Variants in NBEA observed in about 807,000 individuals in gnomAD.
The protein encoded by NBEA is lysosomal-trafficking regulator 2.
In NBEA, 44 loss-of-function variants were observed where a neutral mutation model predicts 343.4. The ratio of observed to expected loss-of-function variants is 0.13; its 90% CI spans 0.10 to 0.16. The LOEUF is 0.16. Among genes scored for constraint, NBEA ranks in the 10% least tolerant of loss-of-function variants. NBEA has a pLI of 1.00. For synonymous variants in NBEA, 1,175 were observed against 1,238.7 expected (o/e 0.95, Z 1.08); for missense variants, 2,555 against 3,631.3 (o/e 0.70, Z 7.62).
chr13:35,290,965 G>A (rs916158409), intron 35 of NBEA, among the ~76,000 whole-genome samples: 2 of 151,542 alleles, frequency 1.3e-5, no homozygotes, highest in Non-Finnish European at 1.5e-5. Flanking sequence ...TACTTGAGCT[G>A]TTTGTCTTTA....
At chr13:35,203,544 A>G (rs1377368828) in intron 31 of NBEA, among the ~76,000 whole-genome samples, 1 of 152,146 alleles carries the variant, frequency 6.6e-6, no homozygotes, top group African/African-American at 2.4e-5. Context: ...TTGAAATGTC[A>G]GTTCCATGAG....
chr13:35,547,760 G>A (rs929982640), intron 41 of NBEA, among the ~76,000 whole-genome samples: 9 of 152,006 alleles, frequency 5.9e-5, no homozygotes, highest in East Asian at 1.9e-4. Flanking sequence ...GTAATGGCAC[G>A]CATCTGTAAT....
At chr13:35,655,236 C>G (rs1263898446) in intron 54 of NBEA, among the ~76,000 whole-genome samples, 1 of 152,148 alleles carries the variant, frequency 6.6e-6, no homozygotes, top group Non-Finnish European at 1.5e-5. Flanking sequence ...GGCTATTGTT[C>G]CTTTCCCACA....
At chr13:34,956,100 A>T (rs1249647026) in intron 1 of NBEA, among the ~76,000 whole-genome samples, 1 of 152,202 alleles carries the variant, frequency 6.6e-6, no homozygotes, top group Non-Finnish European at 1.5e-5. Context: ...GCATTTAATA[A>T]ATATCAAATG....
At chr13:35,140,985 G>C (rs2068058220) in intron 17 of NBEA, among the ~76,000 whole-genome samples, 1 of 152,152 alleles carries the variant, frequency 6.6e-6, no homozygotes, top group South Asian at 2.1e-4. Context: ...AAAGAGCATG[G>C]AAAATGTGCA....
chr13:35,389,796 A>T (rs1192017000), intron 38 of NBEA, among the ~76,000 whole-genome samples: 1 of 152,170 alleles, frequency 6.6e-6, no homozygotes, highest in Non-Finnish European at 1.5e-5. Context: ...TGCAAAAGAA[A>T]GGAGCACAGA....
At chr13:35,283,044 T>C (rs2035161416) in intron 34 of NBEA, among the ~76,000 whole-genome samples, 1 of 152,076 alleles carries the variant, frequency 6.6e-6, no homozygotes, top group Non-Finnish European at 1.5e-5. Context: ...GCCATTAGAG[T>C]ATTCTCTTCA....
intron 44 of NBEA, among the ~76,000 whole-genome samples, chr13:35,561,495 T>G (rs963734275): frequency 1.3e-5 from 2 of 152,160 alleles, no homozygotes; most frequent in African/African-American, 4.8e-5. Context: ...AAGACTTAGA[T>G]TAAAACAGTA....
At chr13:35,222,844 G>C (rs900220865) in intron 33 of NBEA, among the ~76,000 whole-genome samples, 24 of 152,114 alleles carry the variant, frequency 1.6e-4, no homozygotes, top group Non-Finnish European at 2.6e-4. Context: ...CGAAGAAACA[G>C]TAGGCCGGGC....
At chr13:35,074,264 A>G (rs994363398) in intron 10 of NBEA, among the ~76,000 whole-genome samples, 1 of 152,132 alleles carries the variant, frequency 6.6e-6, no homozygotes, top group Non-Finnish European at 1.5e-5. Context: ...GATTATGTAG[A>G]CTGAGTACAT....
intron 41 of NBEA, among the ~76,000 whole-genome samples, chr13:35,550,087 T>G (rs1348962559): frequency 6.6e-6 from 1 of 152,124 alleles, no homozygotes; most frequent in East Asian, 1.9e-4. Flanking sequence ...TTGCCTGGGG[T>G]TGACCATATG....
intron 1 of NBEA, among the ~76,000 whole-genome samples, chr13:34,999,054 C>T (rs150752682): frequency 0.046 from 6,978 of 152,170 alleles, 239 homozygotes; most frequent in Non-Finnish European, 0.067. Context: ...CTGGTCCCTC[C>T]GTTTGGGGTC....
chr13:35,432,161 C>T, intron 38 of NBEA, 108 bp from the exon 39 acceptor site: 1 of 855,030 alleles, frequency 1.2e-6, no homozygotes, highest in Non-Finnish European at 1.7e-6. Flanking sequence ...CCAAAATTAT[C>T]TTAATTTTTC....
intron 41 of NBEA, among the ~76,000 whole-genome samples, chr13:35,495,075 C>T (rs2076630856): frequency 6.6e-6 from 1 of 151,624 alleles, no homozygotes; most frequent in Non-Finnish European, 1.5e-5. Context: ...AAAATAAGAT[C>T]CAACTCTGTG....
rs561955643 is a variant in NBEA, at chr13:35,090,555, G to A, written c.1572-7742G>A. Among the ~76,000 whole-genome samples the A allele has an allele frequency of 2.0e-5, 3 of 152,038 alleles. No individual in the cohort carries two copies. In the East Asian group the frequency reaches 5.8e-4, roughly 29 times the overall value. On this transcript the variant is annotated intron_variant, in intron 10 of 58. Coordinates refer to ENST00000379939, the MANE Select transcript of NBEA (RefSeq NM_001385012.1). Reference sequence around the variant, plus strand: ...GGATTTGACAACTATTAGGGATGTGGTGGCATAGCAGTATTAAACCTGACT... The same window carrying A: ...GGATTTGACAACTATTAGGGATGTGATGGCATAGCAGTATTAAACCTGACT...
rs139919941 is a variant in NBEA, at chr13:35,409,628, C to G, written c.6180-22641C>G. 6.6e-5 allele frequency among the ~76,000 whole-genome samples: 10 copies of G among 152,170 alleles called. No individual in the cohort carries two copies. The East Asian group carries it at 1.7e-3, about 26-fold the overall frequency. On this transcript the variant is annotated intron_variant, in intron 38 of 58. Transcript: ENST00000379939. ...ATGTAACTAATAATAAGTTATCATA[C>G]TTTAACCAAATGGTTCTACCTGTTT... is the stretch of plus-strand genomic sequence containing the variant.
At chr13:35,376,388 A>G (rs112834680) in intron 38 of NBEA, among the ~76,000 whole-genome samples, 1 of 152,138 alleles carries the variant, frequency 6.6e-6, no homozygotes, top group Non-Finnish European at 1.5e-5. Context: ...GGGTCTGTAA[A>G]TGTTTTCATA....
chr13:34,975,652 G>A (rs2060145932), intron 1 of NBEA, among the ~76,000 whole-genome samples: 1 of 152,082 alleles, frequency 6.6e-6, no homozygotes, highest in African/African-American at 2.4e-5. Context: ...AAAACCCACA[G>A]AGTGGGAGAA....
At chr13:34,954,295 T>G (rs1304139145) in intron 1 of NBEA, among the ~76,000 whole-genome samples, 1 of 152,028 alleles carries the variant, frequency 6.6e-6, no homozygotes, top group Non-Finnish European at 1.5e-5. Context: ...ACAACTGTGT[T>G]TGTTTACTTA....
Sources: allele counts gnomAD v4.1 joint callset (sites outside exome capture counted in the v4.1 genomes callset), GRCh38; gene constraint gnomAD v4.1.1; transcripts MANE v1.5; gene names NCBI Gene and HGNC (gene_info 2026-07-23, HGNC 2026-07-21).